The following SYNE1 variants were observed in gnomAD, a reference collection of about 807,000 sequenced individuals.
SYNE1 encodes the protein spectrin repeat containing nuclear envelope protein 1.
Under a neutral mutation model 1,111.0 loss-of-function variants are expected in SYNE1, and 616 were observed. The observed-to-expected ratio is 0.55, with a 90% CI of 0.52 to 0.59. The LOEUF (loss-of-function observed/expected upper bound fraction) is 0.59. SYNE1 is among the 20% of genes least tolerant of loss of function. The pLI is 0.00. For synonymous variants in SYNE1, 3,855 were observed against 3,825.8 expected, an observed-to-expected ratio of 1.01 and a Z score of -0.28; for missense variants, 10,006 against 10,417.0, an observed-to-expected ratio of 0.96 and a Z score of 1.72.
chr6:152,563,649 G>T (rs537072982), intron 3 of SYNE1, among the ~76,000 whole-genome samples: 1 of 151,870 alleles, frequency 6.6e-6, no homozygotes, highest in Non-Finnish European at 1.5e-5. Context: ...TAACTTCTAA[G>T]GGATTTTTGT....
At chr6:152,575,464 C>T (rs899835333) in intron 3 of SYNE1, among the ~76,000 whole-genome samples, 4 of 152,104 alleles carry the variant, frequency 2.6e-5, no homozygotes, top group Non-Finnish European at 4.4e-5. Context: ...CATTCTTATC[C>T]GAACTAGAAT....
chr6:152,554,040 G>A (rs562759071), intron 3 of SYNE1, among the ~76,000 whole-genome samples: 1 of 152,068 alleles, frequency 6.6e-6, no homozygotes, highest in African/African-American at 2.4e-5. Flanking sequence ...CAGATCCCCG[G>A]GGCTGAGGAC....
In SYNE1 at chr6:152,436,117, T is replaced by C. The variant is rs1367185995; in HGVS notation, c.4150-16A>G. 3.7e-6 allele frequency: 6 copies of C among 1,613,374 alleles called. No homozygotes were observed. Among genetic ancestry groups the C allele is most frequent in the Non-Finnish European group, 3.4e-6 (4 of 1,179,848 alleles). ...TAGAAAACTCCTAGAAAAAATATTA[T>C]GATCATTAGGTAGGCACTTTATATT... On this transcript the variant is annotated splice_polypyrimidine_tract_variant and intron_variant, in intron 32 of 145. Coordinates refer to ENST00000367255, the MANE Select transcript of SYNE1 (RefSeq NM_182961.4).
At chr6:152,571,624 G>T (rs1180610982) in intron 3 of SYNE1, among the ~76,000 whole-genome samples, 1 of 152,038 alleles carries the variant, frequency 6.6e-6, no homozygotes, top group Non-Finnish European at 1.5e-5. Context: ...CTAATAAAAT[G>T]GTGTGATTTA....
At chr6:152,284,247 C>A in intron 95 of SYNE1, 75 bp from the exon 96 acceptor site, 1 of 1,471,190 alleles carries the variant, frequency 6.8e-7, no homozygotes, top group Non-Finnish European at 9.4e-7. Flanking sequence ...AGCTGAGTCT[C>A]ACATCCATTG....
chr6:152,452,360 T>C (rs950412816), intron 25 of SYNE1, among the ~76,000 whole-genome samples: 1 of 152,192 alleles, frequency 6.6e-6, no homozygotes, highest in Non-Finnish European at 1.5e-5. Context: ...TATTCCATAA[T>C]ACATTTACAA....
At chr6:152,475,931 T>C (rs1353576678) in intron 14 of SYNE1, among the ~76,000 whole-genome samples, 1 of 152,166 alleles carries the variant, frequency 6.6e-6, no homozygotes, top group Admixed American at 6.5e-5. Flanking sequence ...CCTCCATACG[T>C]TTGCTTCCCG....
Position 152,387,067 on chromosome 6 carries a change from C to G in SYNE1, c.8487+5G>C. 6.2e-7 allele frequency: 1 copy of G among 1,611,154 alleles called. No individual in the cohort carries two copies. Among genetic ancestry groups the G allele is most frequent in the Non-Finnish European group, 8.5e-7 (1 of 1,178,074 alleles). ...AAGCATCTACTTTCAATATAAAGCA[C>G]TAACCTTGGCAACAGTCATTATATC... On this transcript the variant is annotated splice_donor_5th_base_variant and intron_variant, in intron 54 of 145. Transcript: ENST00000367255.
chr6:152,618,121 G>C (rs2099665582), intron 3 of SYNE1, among the ~76,000 whole-genome samples: 1 of 152,174 alleles, frequency 6.6e-6, no homozygotes, highest in Non-Finnish European at 1.5e-5. Flanking sequence ...ACAATATTGG[G>C]ATGTGGTCTA....
chr6:152,567,164 T>C (rs1017009670), intron 3 of SYNE1, among the ~76,000 whole-genome samples: 3 of 152,158 alleles, frequency 2.0e-5, no homozygotes, highest in Non-Finnish European at 4.4e-5. Context: ...TGTCATGCAG[T>C]ATTTTTCACT....
intron 144 of SYNE1, among the ~76,000 whole-genome samples, chr6:152,131,499 T>G (rs1353912358): frequency 6.6e-6 from 1 of 152,026 alleles, no homozygotes; most frequent in Non-Finnish European, 1.5e-5. Flanking sequence ...AAAACAAGCT[T>G]CTAATTACAC....
At chr6:152,271,373 C>T (rs925346166) in intron 98 of SYNE1, among the ~76,000 whole-genome samples, 1 of 152,198 alleles carries the variant, frequency 6.6e-6, no homozygotes, top group Non-Finnish European at 1.5e-5. Flanking sequence ...CTCCCAGATT[C>T]TGAGCCCACC....
intron 127 of SYNE1, among the ~76,000 whole-genome samples, chr6:152,191,924 T>C (rs1287264389): frequency 1.3e-5 from 2 of 152,132 alleles, no homozygotes; most frequent in African/African-American, 2.4e-5. Flanking sequence ...CTGTATTACG[T>C]AGGTTTTGGT....
At chr6:152,493,617 C>T (rs1277859304) in intron 11 of SYNE1, among the ~76,000 whole-genome samples, 1 of 152,158 alleles carries the variant, frequency 6.6e-6, no homozygotes, top group East Asian at 1.9e-4. Context: ...ACAGGACATC[C>T]TCCTGCTCCT....
At chr6:152,550,692 T>C (rs181363243) in intron 3 of SYNE1, among the ~76,000 whole-genome samples, 32 of 152,216 alleles carry the variant, frequency 2.1e-4, no homozygotes, top group Admixed American at 1.5e-3. Context: ...ATTTATAGTC[T>C]TTCATTATTC....
At chr6:152,354,117 G>C (rs897135916) in intron 67 of SYNE1, among the ~76,000 whole-genome samples, 1 of 152,056 alleles carries the variant, frequency 6.6e-6, no homozygotes, top group Non-Finnish European at 1.5e-5. Flanking sequence ...TCCAGCTTGG[G>C]CGACAGAGCA....
intron 100 of SYNE1, among the ~76,000 whole-genome samples, chr6:152,264,675 C>T (rs554802949): frequency 7.4e-4 from 113 of 152,106 alleles, no homozygotes; most frequent in African/African-American, 2.4e-3. Flanking sequence ...TGGTACATGC[C>T]GGTAGTCCCA....
In SYNE1 at chr6:152,346,809, C is replaced by CAAACA. The variant is rs556800870; in HGVS notation, c.12078+245_12078+249dup. On this transcript the variant is annotated intron_variant, in intron 73 of 145. Transcript: ENST00000367255. The stretch of plus-strand genomic sequence containing the variant: ...TGTGCGACAGAGTGAGACTCCGTCT[C>CAAACA]AAACAAAACAAAACAAAACAAAAAA... 1.3e-3 allele frequency among the ~76,000 whole-genome samples: 192 copies of CAAACA among 151,346 alleles called. 2 individuals carry two copies. The Middle Eastern group carries it at 0.014, about 11-fold the overall frequency.
chr6:152,534,178 GAAT>G (rs2099221141), intron 4 of SYNE1, among the ~76,000 whole-genome samples: 1 of 120,984 alleles, frequency 8.3e-6, no homozygotes, highest in African/African-American at 4.0e-5. Context: ...ATAAATGAAT[GAAT>G]GAATGAATGA....
Sources: gnomAD v4.1 joint callset for allele counts (sites outside exome capture counted in the v4.1 genomes callset) on GRCh38, gnomAD v4.1.1 for gene constraint, MANE v1.5 for transcripts, NCBI Gene and HGNC (gene_info 2026-07-23, HGNC 2026-07-21) for gene names.